The following NRXN1 variants were observed in gnomAD, a reference collection of about 807,000 sequenced individuals.
NRXN1 encodes the protein neurexin 1.
NRXN1 carries 39 observed loss-of-function variants against 150.9 expected under a neutral mutation model. The ratio of observed to expected loss-of-function variants is 0.26; its 90% CI spans 0.20 to 0.34. NRXN1 has a LOEUF of 0.34. Among genes scored for constraint, NRXN1 ranks in the 10% least tolerant of loss-of-function variants. The pLI, the probability that NRXN1 is intolerant of heterozygous loss-of-function variation, is 1.00. For synonymous variants in NRXN1, 924 were observed against 757.0 expected, an observed-to-expected ratio of 1.22 and a Z score of -3.62; for missense variants, 1,815 against 1,949.9, an observed-to-expected ratio of 0.93 and a Z score of 1.30.
At chr2:50,995,809 T>C (rs573070052) in intron 2 of NRXN1, among the ~76,000 whole-genome samples, 8 of 152,132 alleles carry the variant, frequency 5.3e-5, no homozygotes, top group African/African-American at 1.9e-4. Context: ...CAGCAATAAT[T>C]CTTGTGTGAC....
chr2:50,694,619 TC>T (rs1692553773), intron 5 of NRXN1, among the ~76,000 whole-genome samples: 1 of 152,140 alleles, frequency 6.6e-6, no homozygotes, highest in African/African-American at 2.4e-5. Context: ...AAGCATCATA[TC>T]CTTTGGTTAA....
At chr2:49,937,076 T>G (rs148030589) in intron 22 of NRXN1, among the ~76,000 whole-genome samples, 2 of 152,208 alleles carry the variant, frequency 1.3e-5, no homozygotes, top group Non-Finnish European at 2.9e-5. Context: ...CATCTCTTCG[T>G]AATATAAACA....
chr2:49,925,066 T>G (rs1668856039), intron 22 of NRXN1, among the ~76,000 whole-genome samples: 1 of 151,498 alleles, frequency 6.6e-6, no homozygotes, highest in African/African-American at 2.4e-5. Context: ...CCGAGGCGAG[T>G]GGATCACGAG....
intron 18 of NRXN1, among the ~76,000 whole-genome samples, chr2:50,176,565 G>A (rs889611939): frequency 3.9e-5 from 6 of 152,150 alleles, no homozygotes; most frequent in African/African-American, 1.4e-4. Context: ...CATAATTCCT[G>A]AGTGAAAACT....
rs534353842 is a variant in NRXN1, at chr2:50,828,082, G to T, written c.832+93787C>A. On this transcript the variant is annotated intron_variant, in intron 5 of 22. Transcript: ENST00000401669. Reference sequence around the variant, plus strand: ...TCCCCGCTTTCTATTCCACAAAACCGCCATTGTCATCATGGCCCGTTCTCA... The same window carrying T: ...TCCCCGCTTTCTATTCCACAAAACCTCCATTGTCATCATGGCCCGTTCTCA... Among the ~76,000 whole-genome samples the T allele has an allele frequency of 8.6e-5, 13 of 150,712 alleles. No individual in the cohort carries two copies. In the East Asian group the frequency reaches 2.0e-3, roughly 23 times the overall value.
intron 2 of NRXN1, among the ~76,000 whole-genome samples, chr2:51,018,374 T>C (rs1171075245): frequency 1.3e-5 from 2 of 152,056 alleles, no homozygotes; most frequent in South Asian, 2.1e-4. Flanking sequence ...CCAGACAGTT[T>C]TGAGCGTGAG....
chr2:50,118,737 A>C (rs1035286354), intron 18 of NRXN1, among the ~76,000 whole-genome samples: 11 of 152,172 alleles, frequency 7.2e-5, no homozygotes, highest in Admixed American at 6.5e-4. Flanking sequence ...CTATGGACTT[A>C]GTGGCAATTG....
chr2:50,698,709 T>C (rs1247468531), intron 5 of NRXN1, among the ~76,000 whole-genome samples: 1 of 152,156 alleles, frequency 6.6e-6, no homozygotes, highest in East Asian at 1.9e-4. Context: ...AAACAGAATC[T>C]CATCAACTAG....
chr2:49,962,238 C>T (rs868593680), intron 21 of NRXN1, among the ~76,000 whole-genome samples: 1 of 152,310 alleles, frequency 6.6e-6, no homozygotes, highest in African/African-American at 2.4e-5. Context: ...ATCCTGAGTT[C>T]TGATGAAGCA....
intron 5 of NRXN1, among the ~76,000 whole-genome samples, chr2:50,876,475 C>T (rs1678608872): frequency 6.6e-6 from 1 of 151,762 alleles, no homozygotes; most frequent in Non-Finnish European, 1.5e-5. Context: ...CTGTACTACA[C>T]ACTAGGAAAG....
intron 2 of NRXN1, among the ~76,000 whole-genome samples, chr2:50,971,154 T>C (rs1024979520): frequency 2.0e-5 from 3 of 152,178 alleles, no homozygotes; most frequent in Non-Finnish European, 4.4e-5. Flanking sequence ...ATAGGACCAA[T>C]TGTTTCATAT....
intron 17 of NRXN1, among the ~76,000 whole-genome samples, chr2:50,389,278 C>A (rs1262520793): frequency 6.7e-6 from 1 of 148,866 alleles, no homozygotes; most frequent in African/African-American, 2.5e-5. Context: ...TTGACATGTC[C>A]AATGTATCTA....
intron 2 of NRXN1, among the ~76,000 whole-genome samples, chr2:50,998,272 A>G (rs1245347441): frequency 7.1e-6 from 1 of 141,760 alleles, no homozygotes; most frequent in Non-Finnish European, 1.5e-5. Flanking sequence ...ACATGCATAC[A>G]GAATATAGTA....
chr2:50,425,738 A>AGGGTTTC (rs1454268117), intron 17 of NRXN1, among the ~76,000 whole-genome samples: 1 of 152,114 alleles, frequency 6.6e-6, no homozygotes, highest in Non-Finnish European at 1.5e-5. Flanking sequence ...GTTTGATCTA[A>AGGGTTTC]GGGTTTCCAA....
intron 15 of NRXN1, among the ~76,000 whole-genome samples, chr2:50,480,997 A>T (rs1023192096): frequency 1.3e-5 from 2 of 152,190 alleles, no homozygotes; most frequent in African/African-American, 2.4e-5. Context: ...ATTTGCACAT[A>T]TATTGTTATA....
chr2:50,311,149 A>C (rs1341993833), intron 17 of NRXN1, among the ~76,000 whole-genome samples: 1 of 152,108 alleles, frequency 6.6e-6, no homozygotes, highest in Non-Finnish European at 1.5e-5. Flanking sequence ...GTTTTATATA[A>C]TACATGCTTA....
At chr2:50,454,320 C>T (rs2087303483) in intron 17 of NRXN1, among the ~76,000 whole-genome samples, 1 of 151,846 alleles carries the variant, frequency 6.6e-6, no homozygotes, top group Non-Finnish European at 1.5e-5. Flanking sequence ...AGTGAGAATC[C>T]ATCTCGAAGT....
intron 15 of NRXN1, among the ~76,000 whole-genome samples, chr2:50,481,879 C>A (rs2090492471): frequency 7.3e-6 from 1 of 137,366 alleles, no homozygotes; most frequent in Non-Finnish European, 1.5e-5. Context: ...TATTCTCCTG[C>A]CTCAGCCTCC....
chr2:49,934,270 C>G (rs555838239), intron 22 of NRXN1, among the ~76,000 whole-genome samples: 9 of 152,270 alleles, frequency 5.9e-5, no homozygotes, highest in Non-Finnish European at 1.0e-4. Flanking sequence ...AATTTTCCCC[C>G]ACTTCCTTCC....
Sources: gnomAD v4.1 joint callset for allele counts (sites outside exome capture counted in the v4.1 genomes callset) on GRCh38, gnomAD v4.1.1 for gene constraint, MANE v1.5 for transcripts, NCBI Gene and HGNC (gene_info 2026-07-23, HGNC 2026-07-21) for gene names.